The following U2AF1L4 variants were observed in gnomAD, a reference collection of about 807,000 sequenced individuals.
U2AF1L4 encodes U2 small nuclear RNA auxiliary factor 1 like 4.
In U2AF1L4, 21 loss-of-function variants were observed where a neutral mutation model predicts 21.7. That is an observed-to-expected ratio of 0.97 (90% confidence interval 0.69 to 1.39). The LOEUF (loss-of-function observed/expected upper bound fraction) is 1.39, where lower values mean the gene tolerates loss of function less well. U2AF1L4 is among the 40% of genes most tolerant of loss of function. U2AF1L4 has a pLI of 0.00. For synonymous variants in U2AF1L4, 92 were observed against 89.7 expected (o/e 1.03, Z -0.15); for missense variants, 259 against 245.7 (o/e 1.05, Z -0.36).
Position 35,743,916 on chromosome 19 carries a change from G to A in U2AF1L4, c.366-12C>T, listed in dbSNP as rs760290603. On this transcript the variant is annotated splice_polypyrimidine_tract_variant and intron_variant, in intron 4 of 5. Coordinates refer to ENST00000378975, the MANE Select transcript of U2AF1L4 (RefSeq NM_001040425.3). ...CTCGGGTACATTCCCTGCATAGAGG[G>A]TAGAGAGATGGAGGAAGCCATTGTC... 4 of 1,611,586 alleles carry A rather than the reference G, an allele frequency of 2.5e-6. No individual in the cohort carries two copies. The South Asian group carries it at 3.3e-5, about 13-fold the overall frequency.
In U2AF1L4 at chr19:35,742,701, G is replaced by A. The variant is rs746832247; in HGVS notation, c.*18C>T. ...ACATCTGTCCCTGTTGGGGGTGAAG[G>A]GTAAGGGGGCCAGGGCCTCAGAAGC... On this transcript the variant is annotated 3_prime_UTR_variant, in exon 6 of 6. Transcript: ENST00000378975. 6.2e-7 allele frequency: 1 copy of A among 1,611,654 alleles called. No homozygotes were observed. The highest frequency in any genetic ancestry group is 8.5e-7 in the Non-Finnish European group (1 of 1,179,502).
At chr19:35,745,007 A>T in intron 2 of U2AF1L4, 118 bp downstream of exon 2, 1 of 1,036,938 alleles carries the variant, frequency 9.6e-7, no homozygotes, top group Non-Finnish European at 1.4e-6. Context: ...ATGAGAAAAA[A>T]AGCCGGGCGG....
rs371969167 is a variant in U2AF1L4 at position 35,743,812 on chromosome 19, C to A, written c.458G>T (p.Arg153Leu). 1.1e-4 allele frequency: 176 copies of A among 1,608,550 alleles called. No individual in the cohort carries two copies. Among genetic ancestry groups the A allele is most frequent in the Non-Finnish European group, 1.4e-4 (162 of 1,177,644 alleles). Residue 153 changes from arginine (R) to leucine (L), a missense_variant, in exon 5 of 6, where the codon CGC (arginine) becomes CTC (leucine). Arg to Leu is a moderately radical substitution (Grantham distance 102). Coordinates refer to ENST00000378975, the MANE Select transcript of U2AF1L4 (RefSeq NM_001040425.3). ...QRQLYGRGPR[R>L]RSPPRFHTGH... ...TAGCAGGCTGGTCCTGAGGTACCTG[C>A]GCCTGGGTCCCCGCCCATAGAGCTG...
intron 2 of U2AF1L4, chr19:35,744,829 C>T (rs899322665): frequency 4.7e-6 from 5 of 1,066,142 alleles, no homozygotes; most frequent in East Asian, 5.2e-5. Flanking sequence ...TCCTTTGCCC[C>T]TAAGAAACCA....
intron 2 of U2AF1L4, chr19:35,744,728 A>T (rs1468963871): frequency 6.5e-7 from 1 of 1,535,844 alleles, no homozygotes; most frequent in South Asian, 1.2e-5. Context: ...GCCTGAGCTC[A>T]GAGGGCAGGG....
At position 35,745,210 on chromosome 19, in the gene U2AF1L4, A is replaced by G. The variant is rs200593238; in HGVS notation, c.47T>C (p.Val16Ala). ...GATCTTAAAGTAAAAAGAGCAGTTA[A>G]CCCTGGAAAAGGTGCAAAGACAAAG... ...ASIFGTEKDKVNCSFYFKIGV... is the reference protein window; with the variant it reads ...ASIFGTEKDKANCSFYFKIGV... The change falls in exon 2 of 6, where the codon GTT becomes GCT. Residue 16 changes from valine (V) to alanine (A), a missense_variant and splice_region_variant. Val to Ala is a moderately conservative substitution (Grantham distance 64). Transcript: ENST00000378975. 1 of 1,613,630 alleles carries G rather than the reference A, an allele frequency of 6.2e-7. No homozygotes were observed. Among genetic ancestry groups the G allele is most frequent in the African/African-American group, 1.3e-5 (1 of 75,006 alleles).
rs1970440762 is a variant in U2AF1L4, at chr19:35,744,182, CAG to C, written c.232-39_232-38del. ...GTCAGTCAGGGTCAGCAGGAGAACT[CAG>C]AGATCTTCAGGGGACTCACTACCCG... On this transcript the variant is annotated intron_variant, in intron 3 of 5. Transcript: ENST00000378975. The C allele has an allele frequency of 3.1e-6, 5 of 1,610,014 alleles. No individual in the cohort carries two copies. The Middle Eastern group carries it at 4.9e-4, about 159-fold the overall frequency.
chr19:35,744,443 T>A (rs753476171), intron 2 of U2AF1L4, 22 bp from the exon 3 acceptor site: 1 of 1,614,012 alleles, frequency 6.2e-7, no homozygotes, highest in Non-Finnish European at 8.5e-7. Flanking sequence ...GGGGAGGAAC[T>A]CAGCTGAGCT....
At chr19:35,744,806 A>T in intron 2 of U2AF1L4, 1 of 1,253,922 alleles carries the variant, frequency 8.0e-7, no homozygotes, top group Admixed American at 2.0e-5. Flanking sequence ...AAGCATCATG[A>T]GTGCATCGGC....
chr19:35,743,777 T>C (rs778117950), intron 5 of U2AF1L4, 32 bp downstream of exon 5: 1 of 1,582,066 alleles, frequency 6.3e-7, no homozygotes. Flanking sequence ...CCTTAGGACA[T>C]GAGGAGACAT....
chr19:35,745,235 G>A (rs1599731450), intron 1 of U2AF1L4, 23 bp from the exon 2 acceptor site: 1 of 1,611,550 alleles, frequency 6.2e-7, no homozygotes, highest in South Asian at 1.1e-5. Flanking sequence ...CAAAGACAAA[G>A]GTGAACCGAG....
intron 2 of U2AF1L4, 63 bp from the exon 3 acceptor site, chr19:35,744,484 C>A (rs1260830074): frequency 1.9e-6 from 3 of 1,613,434 alleles, no homozygotes; most frequent in South Asian, 2.2e-5. Context: ...CCCCTACCAA[C>A]CCTCACCTCG....
Position 35,742,814 on chromosome 19 carries a change from G to A in U2AF1L4, c.462-11C>T, listed in dbSNP as rs971576784. ...AACCTCGGGGGTGACCTGGGAATAG[G>A]AGCGTTGAGAGTTCTGTTAGAACCC... is the stretch of plus-strand genomic sequence containing the variant. On this transcript the variant is annotated splice_polypyrimidine_tract_variant and intron_variant, in intron 5 of 5. Transcript: ENST00000378975. The A allele has an allele frequency of 4.4e-6, 7 of 1,607,340 alleles. No individual in the cohort carries two copies. Among genetic ancestry groups the A allele is most frequent in the African/African-American group, 4.0e-5 (3 of 74,832 alleles).
At position 35,742,692 on chromosome 19, in the gene U2AF1L4, G is replaced by A. The variant is rs1017405785; in HGVS notation, c.*27C>T. On this transcript the variant is annotated 3_prime_UTR_variant, in exon 6 of 6. Coordinates refer to ENST00000378975, the MANE Select transcript of U2AF1L4 (RefSeq NM_001040425.3). ...CTGCCAGGAACATCTGTCCCTGTTG[G>A]GGGTGAAGGGTAAGGGGGCCAGGGC... 18 of 1,612,198 alleles carry A rather than the reference G, an allele frequency of 1.1e-5. No individual in the cohort carries two copies. The highest frequency in any genetic ancestry group is 1.5e-5 in the Non-Finnish European group (18 of 1,179,674).
In U2AF1L4 at chr19:35,744,368, C is replaced by T. The variant is rs1305074080; in HGVS notation, c.186G>A (p.Val62=). The T allele has an allele frequency of 1.9e-6, 3 of 1,614,194 alleles. No individual in the cohort carries two copies. Among genetic ancestry groups the T allele is most frequent in the Non-Finnish European group, 1.7e-6 (2 of 1,180,044 alleles). Residue 62 remains valine, a synonymous_variant, in exon 3 of 6, where the codon GTG becomes GTA. Transcript: ENST00000378975. Reference sequence around the variant, plus strand: ...CGAGGTGGTCCCCAAGGTTGTCGCACACATTCATCTCTTCAATCTCCCCAT... The same window carrying T: ...CGAGGTGGTCCCCAAGGTTGTCGCATACATTCATCTCTTCAATCTCCCCAT... ...EKYGEIEEMN[V]CDNLGDHLVG... is the part of the protein sequence containing the mutation.
intron 2 of U2AF1L4, 94 bp downstream of exon 2, chr19:35,745,031 A>G: frequency 2.3e-6 from 3 of 1,288,090 alleles, no homozygotes; most frequent in Non-Finnish European, 3.3e-6. Context: ...GGAGGGACTC[A>G]GGAACCCGGA....
chr19:35,743,111 G>T, intron 5 of U2AF1L4: 1 of 421,486 alleles, frequency 2.4e-6, no homozygotes, highest in Non-Finnish European at 4.3e-6. Context: ...AGTGGTTCAC[G>T]CCTGTAATCC....
At position 35,745,403 on chromosome 19, in the gene U2AF1L4, C is replaced by G. The variant is rs200839448; in HGVS notation, c.-12G>C. ...AAATATTCAGCCATTTTTACCCAAGCCCTCCAGGTCTGGCTGCTCTTACGT... is the reference window on the plus strand; with the variant it reads ...AAATATTCAGCCATTTTTACCCAAGGCCTCCAGGTCTGGCTGCTCTTACGT... On this transcript the variant is annotated 5_prime_UTR_variant, in exon 1 of 6. Transcript: ENST00000378975. 496 of 1,614,064 alleles carry G rather than the reference C, an allele frequency of 3.1e-4. No homozygotes were observed. The highest frequency in any genetic ancestry group is 4.1e-4 in the Non-Finnish European group (481 of 1,180,024).
In U2AF1L4 at chr19:35,744,273, G is replaced by C. The variant is rs374231931; in HGVS notation, c.231+50C>G. On this transcript the variant is annotated intron_variant, in intron 3 of 5. Coordinates refer to ENST00000378975, the MANE Select transcript of U2AF1L4 (RefSeq NM_001040425.3). Reference sequence around the variant, plus strand: ...TGAGAGCCTACAGTGGCCACCATCAGGCATTGAAACGCCTCCACTTCTGGG... The same window carrying C: ...TGAGAGCCTACAGTGGCCACCATCACGCATTGAAACGCCTCCACTTCTGGG... 33 of 1,610,742 alleles carry C rather than the reference G, an allele frequency of 2.0e-5. No homozygotes were observed. In the African/African-American group the frequency reaches 4.0e-4, roughly 20 times the overall value.
Sources: gnomAD v4.1 joint callset for allele counts on GRCh38, gnomAD v4.1.1 for gene constraint, MANE v1.5 for transcripts, NCBI Gene and HGNC (gene_info 2026-07-23, HGNC 2026-07-21) for gene names.